EOMES: variants seen among roughly 807,000 people sequenced by gnomAD.
The protein encoded by EOMES is eomesodermin, also known as eomesodermin homolog.
In EOMES, 18 loss-of-function variants were observed where a neutral mutation model predicts 61.0. The ratio of observed to expected loss-of-function variants is 0.30; its 90% confidence interval spans 0.20 to 0.44. The LOEUF (loss-of-function observed/expected upper bound fraction) is 0.44. EOMES is among the 20% of genes least tolerant of loss of function. The probability of loss-of-function intolerance (pLI) is 1.00; values close to 1 mark genes in which losing one functional copy is unlikely to be tolerated. For missense variants in EOMES, 885 were observed against 939.2 expected (o/e 0.94, Z 0.75); for synonymous variants, 430 against 394.0 (o/e 1.09, Z -1.08).
rs763320083 is a variant in EOMES, at chr3:27,717,556, T to C, written c.1632A>G (p.Gln544=). Residue 544 remains glutamine, a synonymous_variant, in exon 6 of 6, where the codon CAA becomes CAG. Transcript: ENST00000449599. The surrounding 1 kb of genome is among the most constrained non-coding windows in gnomAD (Gnocchi z 4.5). ...PQRWLVTPVQ[Q]PGTNKLDISS... is the part of the protein sequence containing the mutation. ...TGATGTCTAGTTTGTTGGTCCCAGG[T>C]TGCTGGACAGGCGTGACAAGCCACC... 1 of 1,614,192 alleles carries C rather than the reference T, an allele frequency of 6.2e-7. No homozygotes were observed. Among genetic ancestry groups the C allele is most frequent in the Non-Finnish European group, 8.5e-7 (1 of 1,180,030 alleles).
At position 27,717,568 on chromosome 3, in the gene EOMES, C is replaced by A. The variant is rs372442928; in HGVS notation, c.1620G>T (p.Thr540=). The A allele has an allele frequency of 1.2e-6, 2 of 1,614,132 alleles. No homozygotes were observed. The highest frequency in any genetic ancestry group is 3.3e-5 in the Admixed American group (2 of 60,022). ...VANPPQRWLV[T]PVQQPGTNKL... is the part of the protein sequence containing the mutation. ...TGTTGGTCCCAGGTTGCTGGACAGG[C>A]GTGACAAGCCACCGCTGGGGAGGGT... is the stretch of plus-strand genomic sequence containing the variant. Residue 540 remains threonine (T), a synonymous_variant, in exon 6 of 6, where the codon ACG becomes ACT. Transcript: ENST00000449599. This position sits in a 1 kb window ranked among gnomAD's most constrained non-coding sequence, Gnocchi z 4.5.
At position 27,721,558 on chromosome 3, in the gene EOMES, G is replaced by C. The variant is rs2060613149; in HGVS notation, c.737C>G (p.Ala246Gly). Residue 246 changes from alanine (A) to glycine (G), a missense_variant, in exon 1 of 6, where the codon GCC (alanine) becomes GGC (glycine). Ala to Gly is a moderately conservative substitution (Grantham distance 60). Coordinates refer to ENST00000449599, the MANE Select transcript of EOMES (RefSeq NM_001278182.2). The surrounding 1 kb of genome is among the most constrained non-coding windows in gnomAD (Gnocchi z 7.4). ...GAPLYGPYPGAAAAGSCGGLG... is the reference protein window; with the variant it reads ...GAPLYGPYPGGAAAGSCGGLG... ...TCCTCCGCAAGATCCCGCCGCTGCG[G>C]CTCCAGGGTACGGCCCGTAGAGCGG... 2.5e-6 allele frequency: 4 copies of C among 1,603,640 alleles called. No individual in the cohort carries two copies. The highest frequency in any genetic ancestry group is 3.4e-6 in the Non-Finnish European group (4 of 1,175,844).
rs375036627 is a variant in EOMES at position 27,718,856 on chromosome 3, C to T, written c.1196G>A (p.Arg399Gln). Residue 399 changes from arginine (R) to glutamine (Q), a missense_variant, in exon 4 of 6, where the codon CGA becomes CAA. By Grantham distance (43) the Arg-to-Gln change is conservative. Around this residue, in one of 3 missense-constraint regions of EOMES, gnomAD observed 177 missense variants for 273.3 expected, o/e 0.65. Transcript: ENST00000449599. ...VLQSLHKYQP[R>Q]LHIVEVTEDG... ...CTCTGTAACTTCAACAATATGCAGT[C>T]GGGGTTGGTATTTGTGTAAGGATTG... 4.1e-5 allele frequency: 66 copies of T among 1,613,800 alleles called. 1 individual carries two copies. Among genetic ancestry groups the T allele is most frequent in the East Asian group, 1.3e-4 (6 of 44,900 alleles).
At position 27,717,537 on chromosome 3, in the gene EOMES, C is replaced by T; in HGVS notation, c.1651G>A (p.Asp551Asn). The change falls in exon 6 of 6, where the codon GAC (aspartate) becomes AAC (asparagine). Residue 551 changes from aspartate to asparagine, a missense_variant. Physicochemically the swap from Asp to Asn is conservative, Grantham distance 23. This residue lies in a region of EOMES where 259 missense variants were observed against 282.3 expected (regional missense o/e 0.92). Coordinates refer to ENST00000449599, the MANE Select transcript of EOMES (RefSeq NM_001278182.2). This position sits in a 1 kb window ranked among gnomAD's most constrained non-coding sequence, Gnocchi z 4.5. ...TATTCAGATTCATAGGAACTGATGT[C>T]TAGTTTGTTGGTCCCAGGTTGCTGG... is the stretch of plus-strand genomic sequence containing the variant. ...PVQQPGTNKL[D>N]ISSYESEYTS... The T allele has an allele frequency of 1.2e-6, 2 of 1,614,174 alleles. No homozygotes were observed. Among genetic ancestry groups the T allele is most frequent in the South Asian group, 1.1e-5 (1 of 91,078 alleles).
chr3:27,721,993 G>T lies in EOMES; in HGVS notation c.302C>A (p.Pro101Gln). ...GCAGGGGGAGCCCTTGCGGCCGTCC[G>T]GGGGCCCCGGCTTGGCCACTGCCGC... ...SAAAVAKPGP[P>Q]DGRKGSPCGE... Residue 101 changes from proline to glutamine, a missense_variant, in exon 1 of 6, where the codon CCG becomes CAG. Physicochemically the swap from Pro to Gln is moderately conservative, Grantham distance 76. This residue lies in a region of EOMES where 449 missense variants were observed against 383.6 expected (regional missense o/e 1.17). Transcript: ENST00000449599. The surrounding 1 kb of genome is among the most constrained non-coding windows in gnomAD (Gnocchi z 7.4). 1 of 1,468,380 alleles carries T rather than the reference G, an allele frequency of 6.8e-7. No homozygotes were observed. Among genetic ancestry groups the T allele is most frequent in the Non-Finnish European group, 9.0e-7 (1 of 1,116,870 alleles). The allele number at this position is 1,468,380 out of a possible 1,614,324, so 91.0% of individuals were successfully genotyped here.
intron 1 of EOMES, among the ~76,000 whole-genome samples, chr3:27,720,943 G>T (rs2125402942): frequency 6.6e-6 from 1 of 152,224 alleles, no homozygotes; most frequent in East Asian, 1.9e-4. Flanking sequence ...CGGCGCTCTA[G>T]CCTTCATGCC....
chr3:27,718,133 G>T (rs902065178), intron 5 of EOMES, among the ~76,000 whole-genome samples: 1 of 152,036 alleles, frequency 6.6e-6, no homozygotes, highest in African/African-American at 2.4e-5. Context: ...AAAAACACTG[G>T]CTGTGGCGGT....
chr3:27,720,251 A>G lies in EOMES; in HGVS notation c.956T>C (p.Val319Ala). ...CCAGTGGTTGGGGTCCGCCAGCACC[A>G]CCTCTACGAACACATTGTAGTGGGC... ...PTAHYNVFVE[V>A]VLADPNHWRF... Residue 319 changes from valine to alanine, a missense_variant, in exon 2 of 6, where the codon GTG becomes GCG. This residue lies in a region of EOMES where 177 missense variants were observed against 273.3 expected (regional missense o/e 0.65). Coordinates refer to ENST00000449599, the MANE Select transcript of EOMES (RefSeq NM_001278182.2). 6.2e-7 allele frequency: 1 copy of G among 1,613,220 alleles called. No individual in the cohort carries two copies. Among genetic ancestry groups the G allele is most frequent in the Non-Finnish European group, 8.5e-7 (1 of 1,179,674 alleles).
intron 2 of EOMES, 38 bp downstream of exon 2, chr3:27,720,133 G>T (rs774459048): frequency 4.0e-6 from 6 of 1,518,382 alleles, no homozygotes; most frequent in African/African-American, 1.4e-5. Context: ...ATTTCTTCCC[G>T]CCCGTTCCTC....
In EOMES at chr3:27,716,862, A is replaced by G. The variant is rs1359146370; in HGVS notation, c.*208T>C. 3.6e-6 allele frequency: 2 copies of G among 551,400 alleles called. No individual in the cohort carries two copies. The highest frequency in any genetic ancestry group is 4.7e-4 in the Middle Eastern group (1 of 2,132). 34.2% of individuals were successfully genotyped at this position (551,400 alleles called of 1,614,324 possible). A position where few individuals can be genotyped will look rare whatever the true frequency, so the allele number is the denominator to read the frequency against. On this transcript the variant is annotated 3_prime_UTR_variant, in exon 6 of 6. Coordinates refer to ENST00000449599, the MANE Select transcript of EOMES (RefSeq NM_001278182.2). ...TAAAATACCTTAAAGTCTTCCATTA[A>G]TCTTATTTTTTAAAAATGCTAGGTT...
At chr3:27,720,446 G>C in intron 1 of EOMES, 121 bp from the exon 2 acceptor site, 1 of 629,792 alleles carries the variant, frequency 1.6e-6, no homozygotes, top group South Asian at 1.6e-5. Flanking sequence ...AAAGTTTGCA[G>C]TGAACAGAAT....
Position 27,722,047 on chromosome 3 carries a change from G to T in EOMES, c.248C>A (p.Thr83Asn). Residue 83 changes from threonine (T) to asparagine (N), a missense_variant, in exon 1 of 6, where the codon ACC (threonine) becomes AAC (asparagine). Thr to Asn is a moderately conservative substitution (Grantham distance 65, BLOSUM62 0). Coordinates refer to ENST00000449599, the MANE Select transcript of EOMES (RefSeq NM_001278182.2). ...GCTGGCAAATGCGTCCCCGGCGTCG[G>T]TGTCACTAAGCATGGCCGCGGGGGC... is the stretch of plus-strand genomic sequence containing the variant. ...AGAPAAMLSDTDAGDAFASAA... is the reference protein window; with the variant it reads ...AGAPAAMLSDNDAGDAFASAA... The T allele has an allele frequency of 6.5e-7, 1 of 1,535,366 alleles. No homozygotes were observed. The highest frequency in any genetic ancestry group is 8.8e-7 in the Non-Finnish European group (1 of 1,141,112).
chr3:27,722,305 G>A lies in EOMES; in HGVS notation c.-11C>T. 4 of 1,538,956 alleles carry A rather than the reference G, an allele frequency of 2.6e-6. No individual in the cohort carries two copies. The highest frequency in any genetic ancestry group is 3.5e-6 in the Non-Finnish European group (4 of 1,148,768). On this transcript the variant is annotated 5_prime_UTR_variant, in exon 1 of 6. Transcript: ENST00000449599. The stretch of plus-strand genomic sequence containing the variant: ...CTCCCCTAACTGCATGCTTTGCAAA[G>A]CGCAGACGGCAGCTGGCTGCTTCCT...
At chr3:27,719,168 C>CGTGA (rs1189972854) in intron 3 of EOMES, among the ~76,000 whole-genome samples, 192 bp downstream of exon 3, 1 of 151,696 alleles carries the variant, frequency 6.6e-6, no homozygotes, top group Non-Finnish European at 1.5e-5. Context: ...TAATAGTCAA[C>CGTGA]TCACTGTTAT....
rs1031644451 is a variant in EOMES, at chr3:27,721,319, A to G, written c.881+95T>C. On this transcript the variant is annotated intron_variant, in intron 1 of 5. Transcript: ENST00000449599. This position sits in a 1 kb window ranked among gnomAD's most constrained non-coding sequence, Gnocchi z 7.4. ...GTGAAACACTCTAAGCACCGCGCGG[A>G]ACAACTGGGTTCAGCTCCCTCATCC... 15 of 1,041,060 alleles carry G rather than the reference A, an allele frequency of 1.4e-5. No individual in the cohort carries two copies. The highest frequency in any genetic ancestry group is 3.2e-5 in the African/African-American group (2 of 62,946). 64.5% of individuals were successfully genotyped at this position (1,041,060 alleles called of 1,614,324 possible).
rs758973532 is a variant in EOMES, at chr3:27,717,841, A to AC, written c.1380-34_1380-33insG. ...ATAAAGAGAAACACTTAAAAAAAAAAAAAAACCCTAATGTTGTCCCCAAAC... is the reference window on the plus strand; with the variant it reads ...ATAAAGAGAAACACTTAAAAAAAAAACAAAAACCCTAATGTTGTCCCCAAAC... On this transcript the variant is annotated intron_variant, in intron 5 of 5. Coordinates refer to ENST00000449599, the MANE Select transcript of EOMES (RefSeq NM_001278182.2). This position sits in a 1 kb window ranked among gnomAD's most constrained non-coding sequence, Gnocchi z 4.5. 2.8e-6 allele frequency: 4 copies of AC among 1,451,608 alleles called. No individual in the cohort carries two copies. Among genetic ancestry groups the AC allele is most frequent in the African/African-American group, 2.9e-5 (2 of 69,070 alleles). The allele number at this position is 1,451,608 out of a possible 1,614,324, so 89.9% of individuals were successfully genotyped here.
Position 27,722,016 on chromosome 3 carries a change from C to A in EOMES, c.279G>T (p.Ala93=), listed in dbSNP as rs935437169. Residue 93 remains alanine (A), a synonymous_variant, in exon 1 of 6, where the codon GCG becomes GCT. Transcript: ENST00000449599. ...CCGGGGGCCCCGGCTTGGCCACTGC[C>A]GCAGCGCTGGCAAATGCGTCCCCGG... ...TDAGDAFASA[A]AVAKPGPPDG... is the part of the protein sequence containing the mutation. The A allele has an allele frequency of 2.0e-6, 3 of 1,519,656 alleles. No homozygotes were observed. Among genetic ancestry groups the A allele is most frequent in the Admixed American group, 4.2e-5 (2 of 47,244 alleles). 94.1% of individuals were successfully genotyped at this position (1,519,656 alleles called of 1,614,324 possible).
chr3:27,717,685 G>A lies in EOMES; in HGVS notation c.1503C>T (p.Asn501=). The A allele has an allele frequency of 1.9e-6, 3 of 1,614,068 alleles. No individual in the cohort carries two copies. Among genetic ancestry groups the A allele is most frequent in the Non-Finnish European group, 2.5e-6 (3 of 1,180,022 alleles). The part of the protein sequence containing the change: ...VQSFFPEPFV[N]TLPQARYYNG... ...TATAATAGCGGGCTTGAGGTAAAGT[G>A]TTGACAAAGGGCTCCGGGAAGAAGG... The change falls in exon 6 of 6, where the codon AAC becomes AAT. Residue 501 remains asparagine (N), a synonymous_variant. Transcript: ENST00000449599. The surrounding 1 kb of genome is among the most constrained non-coding windows in gnomAD (Gnocchi z 4.5).
chr3:27,717,661 A>G lies in EOMES; in HGVS notation c.1527T>C (p.Tyr509=), dbSNP rs2060579426. ...FVNTLPQARY[Y]NGERTVPQTN... is the part of the protein sequence containing the mutation. ...TCTGTGGCACGGTTCTCTCGCCATT[A>G]TAATAGCGGGCTTGAGGTAAAGTGT... The change falls in exon 6 of 6, where the codon TAT becomes TAC. Residue 509 remains tyrosine, a synonymous_variant. Transcript: ENST00000449599. The surrounding 1 kb of genome is among the most constrained non-coding windows in gnomAD (Gnocchi z 4.5). The G allele has an allele frequency of 6.2e-7, 1 of 1,614,068 alleles. No individual in the cohort carries two copies. The highest frequency in any genetic ancestry group is 2.2e-5 in the East Asian group (1 of 44,870).
Sources: allele counts gnomAD v4.1 joint callset (sites outside exome capture counted in the v4.1 genomes callset), GRCh38; gene constraint gnomAD v4.1.1; regional missense constraint gnomAD v4.1.1; non-coding constraint Gnocchi (gnomAD v3.1); transcripts MANE v1.5; gene names NCBI Gene and HGNC (gene_info 2026-07-23, HGNC 2026-07-21).